Variants in CYP2C19 observed in about 807,000 individuals in gnomAD.
CYP2C19 encodes cytochrome P450 family 2 subfamily C member 19, also known as cytochrome P450 2C19.
A neutral mutation model predicts 40.9 loss-of-function variants in CYP2C19; 59 were observed. The ratio of observed to expected loss-of-function variants is 1.44; its 90% confidence interval spans 1.17 to 1.79. CYP2C19 has a LOEUF of 1.79. Ranked by LOEUF, CYP2C19 falls within the 40% of genes most tolerant of loss-of-function variation. The pLI is 0.00. For synonymous variants in CYP2C19, 253 were observed against 208.7 expected (o/e 1.21, Z -1.83); for missense variants, 754 against 596.9 (o/e 1.26, Z -2.74).
intron 5 of CYP2C19, among the ~76,000 whole-genome samples, chr10:94,811,257 A>C (rs918426033): frequency 2.0e-5 from 3 of 152,066 alleles, no homozygotes; most frequent in African/African-American, 7.2e-5. Flanking sequence ...TGTTTGCTTT[A>C]ATTTCTGTTC....
chr10:94,791,435 CT>C, intron 5 of CYP2C19, among the ~76,000 whole-genome samples: 1 of 152,242 alleles, frequency 6.6e-6, no homozygotes, highest in Middle Eastern at 3.4e-3. Context: ...TCTTGCTTCT[CT>C]AGTTCTTTTA....
intron 5 of CYP2C19, among the ~76,000 whole-genome samples, chr10:94,805,089 A>G (rs1375246544): frequency 6.6e-6 from 1 of 152,030 alleles, no homozygotes; most frequent in East Asian, 1.9e-4. Flanking sequence ...TTCCAATACT[A>G]TATTTAATAG....
chr10:94,851,193 A>T (rs918636233), intron 8 of CYP2C19, among the ~76,000 whole-genome samples: 3 of 151,904 alleles, frequency 2.0e-5, no homozygotes, highest in Non-Finnish European at 4.4e-5. Flanking sequence ...ACTTGCAGTC[A>T]TGGTAGAAGG....
chr10:94,771,281 G>A (rs776503590), intron 1 of CYP2C19, among the ~76,000 whole-genome samples: 1 of 152,078 alleles, frequency 6.6e-6, no homozygotes, highest in Non-Finnish European at 1.5e-5. Context: ...GGGGAGATTA[G>A]AGGAGGCTTA....
At chr10:94,779,271 TTAAAG>T (rs1386129160) in intron 3 of CYP2C19, among the ~76,000 whole-genome samples, 1 of 152,110 alleles carries the variant, frequency 6.6e-6, no homozygotes, top group Non-Finnish European at 1.5e-5. Flanking sequence ...GTCCCAGAAC[TTAAAG>T]TAAAATTAAA....
chr10:94,792,877 T>A (rs1405644214), intron 5 of CYP2C19, among the ~76,000 whole-genome samples: 1 of 152,152 alleles, frequency 6.6e-6, no homozygotes, highest in Non-Finnish European at 1.5e-5. Flanking sequence ...ATTTTCTGTA[T>A]TTCCTGAATG....
At chr10:94,804,486 C>T (rs1260529597) in intron 5 of CYP2C19, among the ~76,000 whole-genome samples, 2 of 152,234 alleles carry the variant, frequency 1.3e-5, no homozygotes, top group African/African-American at 2.4e-5. Flanking sequence ...CAGCATCTTG[C>T]TCTTGGTCCC....
At chr10:94,834,131 G>A (rs951329309) in intron 6 of CYP2C19, among the ~76,000 whole-genome samples, 8 of 152,026 alleles carry the variant, frequency 5.3e-5, no homozygotes, top group Non-Finnish European at 1.5e-5. Context: ...ATCAAGTCTT[G>A]GGGTTTTCCT....
At chr10:94,799,479 C>G (rs917946673) in intron 5 of CYP2C19, among the ~76,000 whole-genome samples, 1 of 152,090 alleles carries the variant, frequency 6.6e-6, no homozygotes, top group Non-Finnish European at 1.5e-5. Context: ...AATTATGTGT[C>G]TTGGGGTTGC....
chr10:94,777,462 C>A (rs867480557), intron 3 of CYP2C19, among the ~76,000 whole-genome samples: 2 of 152,170 alleles, frequency 1.3e-5, no homozygotes, highest in Middle Eastern at 3.4e-3. Context: ...ATATATAGAA[C>A]AATGGAACAG....
intron 1 of CYP2C19, among the ~76,000 whole-genome samples, chr10:94,766,786 T>G (rs2134230220): frequency 1.3e-5 from 2 of 152,144 alleles, no homozygotes; most frequent in South Asian, 4.2e-4. Flanking sequence ...TGCAGGTTCC[T>G]CAGGGGATGT....
chr10:94,816,722 T>TC (rs536920297), intron 5 of CYP2C19, among the ~76,000 whole-genome samples: 2 of 102,978 alleles, frequency 1.9e-5, no homozygotes, highest in African/African-American at 3.8e-5. Context: ...ATGCTATCCC[T>TC]CCCCCCTCCC....
intron 1 of CYP2C19, among the ~76,000 whole-genome samples, chr10:94,771,943 C>T (rs888083515): frequency 1.3e-5 from 2 of 152,050 alleles, no homozygotes; most frequent in African/African-American, 4.8e-5. Flanking sequence ...AAACGTGTAC[C>T]CCTGCCTGTC....
intron 5 of CYP2C19, among the ~76,000 whole-genome samples, chr10:94,791,204 A>G (rs1024165756): frequency 6.6e-6 from 1 of 152,004 alleles, no homozygotes; most frequent in Non-Finnish European, 1.5e-5. Context: ...CTGTGGGATC[A>G]GTGGTGATAT....
chr10:94,785,875 C>A (rs113089853), intron 5 of CYP2C19, among the ~76,000 whole-genome samples: 1 of 152,030 alleles, frequency 6.6e-6, no homozygotes, highest in Non-Finnish European at 1.5e-5. Flanking sequence ...GACAAGATGG[C>A]GCTGGTCAAG....
chr10:94,846,733 A>C (rs1026679469), intron 7 of CYP2C19, among the ~76,000 whole-genome samples: 1 of 151,842 alleles, frequency 6.6e-6, no homozygotes, highest in Non-Finnish European at 1.5e-5. Flanking sequence ...ACATGTGCAC[A>C]ATGTGCAGGT....
At chr10:94,823,511 T>C (rs1849161651) in intron 6 of CYP2C19, among the ~76,000 whole-genome samples, 1 of 152,142 alleles carries the variant, frequency 6.6e-6, no homozygotes, top group Non-Finnish European at 1.5e-5. Flanking sequence ...AGAAATGACA[T>C]TTTTCTTTTG....
intron 5 of CYP2C19, among the ~76,000 whole-genome samples, chr10:94,811,217 T>C (rs1170586772): frequency 6.6e-6 from 1 of 152,186 alleles, no homozygotes; most frequent in Non-Finnish European, 1.5e-5. Context: ...ATCCCGAGTT[T>C]TAATTTGATG....
rs1173214512 is a variant in CYP2C19 at position 94,835,378 on chromosome 10, C to CT, written c.962-7453dup. Among the ~76,000 whole-genome samples, 6 of 152,192 alleles carry CT rather than the reference C, an allele frequency of 3.9e-5. No individual in the cohort carries two copies. The East Asian group carries it at 1.2e-3, about 29-fold the overall frequency. On this transcript the variant is annotated intron_variant, in intron 6 of 8. Coordinates refer to ENST00000371321, the MANE Select transcript of CYP2C19 (RefSeq NM_000769.4). ...TTAGCTGCAGGCAAATGTAATTTTC[C>CT]TTTTTTGGTGGCTAGCCATCCCGAG... is the stretch of plus-strand genomic sequence containing the variant.
Sources: allele counts gnomAD v4.1 joint callset (sites outside exome capture counted in the v4.1 genomes callset), GRCh38; gene constraint gnomAD v4.1.1; transcripts MANE v1.5; gene names NCBI Gene and HGNC (gene_info 2026-07-23, HGNC 2026-07-21).